GPBP1: variants seen among roughly 807,000 people sequenced by gnomAD.
The protein encoded by GPBP1 is vasculin.
A neutral mutation model predicts 56.5 loss-of-function variants in GPBP1; 13 were observed. The ratio of observed to expected loss-of-function variants is 0.23; its 90% CI spans 0.15 to 0.37. The LOEUF is 0.37. Ranked by LOEUF, GPBP1 falls within the 10% of genes least tolerant of loss-of-function variation. The pLI, the probability that GPBP1 is intolerant of heterozygous loss-of-function variation, is 1.00. For missense variants in GPBP1, 477 were observed against 572.3 expected, an observed-to-expected ratio of 0.83 and a Z score of 1.70; for synonymous variants, 204 against 188.9, an observed-to-expected ratio of 1.08 and a Z score of -0.66.
intron 2 of GPBP1, among the ~76,000 whole-genome samples, chr5:57,205,055 C>G (rs539306545): frequency 6.6e-6 from 1 of 152,148 alleles, no homozygotes; most frequent in Non-Finnish European, 1.5e-5. Context: ...CTATCAAGTT[C>G]CAGAATGTTT....
chr5:57,183,315 C>G (rs898261048), intron 2 of GPBP1, among the ~76,000 whole-genome samples: 1 of 152,026 alleles, frequency 6.6e-6, no homozygotes, highest in Non-Finnish European at 1.5e-5. Flanking sequence ...TGCAGTGAGC[C>G]GAGATCATGC....
intron 6 of GPBP1, among the ~76,000 whole-genome samples, chr5:57,239,601 T>C (rs1433586361): frequency 1.3e-5 from 2 of 151,588 alleles, no homozygotes; most frequent in African/African-American, 4.8e-5. Context: ...GCCAAAATGG[T>C]GAAACCCGTT....
chr5:57,191,115 A>T (rs1339945869), intron 2 of GPBP1, among the ~76,000 whole-genome samples: 1 of 146,856 alleles, frequency 6.8e-6, no homozygotes. Flanking sequence ...TTTTTAAGGC[A>T]TTCTCCGTCA....
At chr5:57,183,765 A>ATTTTTTTTTTTTTTTTTT (rs34608817) in intron 2 of GPBP1, among the ~76,000 whole-genome samples, 4 of 133,282 alleles carry the variant, frequency 3.0e-5, no homozygotes, top group Non-Finnish European at 4.7e-5. Context: ...GGGGATATGA[A>ATTTTTTTTTTTTTTTTTT]TTTTTTTTTT....
chr5:57,212,593 T>A (rs1755534006), intron 2 of GPBP1, among the ~76,000 whole-genome samples: 1 of 152,160 alleles, frequency 6.6e-6, no homozygotes, highest in African/African-American at 2.4e-5. Context: ...ACATTTTCAC[T>A]TACATTGCCA....
chr5:57,254,692 C>CA (rs541890019), intron 10 of GPBP1, among the ~76,000 whole-genome samples: 8,231 of 79,562 alleles, frequency 0.1, 269 homozygotes, highest in African/African-American at 0.15. Flanking sequence ...GAGACTGTCT[C>CA]AAAAAAAAAA....
At chr5:57,186,227 A>G (rs938377066) in intron 2 of GPBP1, among the ~76,000 whole-genome samples, 6 of 152,000 alleles carry the variant, frequency 3.9e-5, no homozygotes, top group Non-Finnish European at 5.9e-5. Context: ...TAAGACGCCT[A>G]TTCTCCAAAA....
chr5:57,231,067 AT>A (rs1756436352), intron 4 of GPBP1, 30 bp from the exon 5 acceptor site: 2 of 1,590,568 alleles, frequency 1.3e-6, no homozygotes, highest in African/African-American at 2.7e-5. Context: ...TCTTCTTTGA[AT>A]TTATATTACT....
intron 2 of GPBP1, among the ~76,000 whole-genome samples, chr5:57,189,983 T>C (rs1350503704): frequency 1.3e-5 from 2 of 152,214 alleles, no homozygotes; most frequent in African/African-American, 4.8e-5. Flanking sequence ...TTTCTCTTAT[T>C]ATTCTATATT....
At position 57,263,679 on chromosome 5, in the gene GPBP1, A is replaced by AG. The variant is rs1461015059; in HGVS notation, c.*928dup. Reference sequence around the variant, plus strand: ...CACTTGTTAAAGTCATACTTTTAAAAGTAATACCTTACTAAAGATGGTGAT... The same window carrying AG: ...CACTTGTTAAAGTCATACTTTTAAAAGGTAATACCTTACTAAAGATGGTGAT... On this transcript the variant is annotated 3_prime_UTR_variant, in exon 12 of 12. Coordinates refer to ENST00000506184, the MANE Select transcript of GPBP1 (RefSeq NM_022913.4). The AG allele has an allele frequency of 1.3e-5, 2 of 152,210 alleles. No homozygotes were observed. The highest frequency in any genetic ancestry group is 2.9e-5 in the Non-Finnish European group (2 of 68,010). 9.4% of individuals were successfully genotyped at this position (152,210 alleles called of 1,614,324 possible).
chr5:57,183,826 C>T (rs908270435), intron 2 of GPBP1, among the ~76,000 whole-genome samples: 6 of 141,658 alleles, frequency 4.2e-5, no homozygotes, highest in Admixed American at 1.5e-4. Context: ...GGCTGGAGGG[C>T]AGTGGTGCCA....
chr5:57,224,893 C>T (rs1756112522), intron 3 of GPBP1, among the ~76,000 whole-genome samples: 1 of 151,184 alleles, frequency 6.6e-6, no homozygotes, highest in African/African-American at 2.4e-5. Context: ...AAGACAATGA[C>T]CATTTGCTTG....
chr5:57,212,253 G>A (rs528533849), intron 2 of GPBP1, among the ~76,000 whole-genome samples: 43 of 152,240 alleles, frequency 2.8e-4, no homozygotes, highest in Admixed American at 9.2e-4. Context: ...TTCTGGCCAG[G>A]AAGTTGTTGG....
At chr5:57,178,619 G>A (rs528877331) in intron 2 of GPBP1, among the ~76,000 whole-genome samples, 5 of 152,328 alleles carry the variant, frequency 3.3e-5, no homozygotes, top group African/African-American at 1.2e-4. Context: ...TTACTCCAGA[G>A]ATCAGAGTTT....
intron 8 of GPBP1, among the ~76,000 whole-genome samples, chr5:57,248,305 A>G (rs1451678439): frequency 1.3e-5 from 2 of 152,030 alleles, no homozygotes; most frequent in African/African-American, 4.8e-5. Flanking sequence ...CAAGGTTTTG[A>G]AACTCCCAGA....
At chr5:57,175,281 G>C (rs1753750149) in intron 1 of GPBP1, among the ~76,000 whole-genome samples, 167 bp from the exon 2 acceptor site, 1 of 152,082 alleles carries the variant, frequency 6.6e-6, no homozygotes, top group Non-Finnish European at 1.5e-5. Context: ...TGTTCATTCA[G>C]TAGACTTTTA....
chr5:57,232,700 A>C (rs537427104), intron 5 of GPBP1, among the ~76,000 whole-genome samples: 67 of 152,352 alleles, frequency 4.4e-4, no homozygotes, highest in Middle Eastern at 6.8e-3. Context: ...AGTAAAGTAG[A>C]TGCGTCAAGT....
chr5:57,228,183 G>A (rs111324070), intron 3 of GPBP1, among the ~76,000 whole-genome samples: 30 of 152,250 alleles, frequency 2.0e-4, no homozygotes, highest in African/African-American at 2.6e-4. Context: ...CTAGCTGGGC[G>A]TGGTGGCTTA....
At chr5:57,196,426 A>T (rs1056176195) in intron 2 of GPBP1, among the ~76,000 whole-genome samples, 3 of 152,174 alleles carry the variant, frequency 2.0e-5, no homozygotes, top group African/African-American at 7.2e-5. Context: ...TGGATTTCAC[A>T]TTTGGTAATT....
Sources: allele counts gnomAD v4.1 joint callset (sites outside exome capture counted in the v4.1 genomes callset), GRCh38; gene constraint gnomAD v4.1.1; transcripts MANE v1.5; gene names NCBI Gene and HGNC (gene_info 2026-07-23, HGNC 2026-07-21).